Variants in PHKA1 observed in about 807,000 individuals in gnomAD.
The protein encoded by PHKA1 is phosphorylase kinase regulatory subunit alpha 1, also known as phosphorylase b kinase regulatory subunit alpha, skeletal muscle isoform.
PHKA1 carries 60 observed loss-of-function variants against 110.2 expected under a neutral mutation model. The ratio of observed to expected loss-of-function variants is 0.54; its 90% CI spans 0.44 to 0.68. The LOEUF is 0.68. PHKA1 is among the 30% of genes least tolerant of loss of function. The pLI is 0.00. For synonymous variants in PHKA1, 316 were observed against 333.6 expected (o/e 0.95, Z 0.58); for missense variants, 801 against 942.5 (o/e 0.85, Z 1.97).
chrX:72,579,359 C>T lies in PHKA1; in HGVS notation c.*1643G>A, dbSNP rs1482876776. On this transcript the variant is annotated 3_prime_UTR_variant, in exon 32 of 32. Coordinates refer to ENST00000373542, the MANE Select transcript of PHKA1 (RefSeq NM_002637.4). ...ATTCATAAGATTGTCACTGGTTCTGCAAGAATTGTTCAGAGAGTCTCTCAT... is the reference window on the plus strand; with the variant it reads ...ATTCATAAGATTGTCACTGGTTCTGTAAGAATTGTTCAGAGAGTCTCTCAT... The T allele has an allele frequency of 3.6e-5, 4 of 111,665 alleles. No homozygotes were observed. The highest frequency in any genetic ancestry group is 1.3e-4 in the African/African-American group (4 of 30,610). 9.2% of individuals were successfully genotyped at this position (111,665 alleles called of 1,213,427 possible). A position where few individuals can be genotyped will look rare whatever the true frequency, so the allele number is the denominator to read the frequency against.
At chrX:72,689,355 A>G (rs1368375186) in intron 4 of PHKA1, among the ~76,000 whole-genome samples, 1 of 111,640 alleles carries the variant, frequency 9.0e-6, no homozygotes, top group Non-Finnish European at 1.9e-5. Context: ...AGCCTAAGTA[A>G]TCACTAATCT....
At position 72,675,848 on chromosome X, in the gene PHKA1, TAAGTA is replaced by T. The variant is rs782002406; in HGVS notation, c.618+217_618+221del. 9.2e-4 allele frequency among the ~76,000 whole-genome samples: 102 copies of T among 110,959 alleles called. 1 individual carries two copies. The Middle Eastern group carries it at 0.014, about 15-fold the overall frequency. On this transcript the variant is annotated intron_variant, in intron 6 of 31. Transcript: ENST00000373542. Reference sequence around the variant, plus strand: ...TTTCAAGTCCTTATGGCATATAATATAAGTAGAGACATGCCACAAAAGCAGTTGGA... The same window carrying T: ...TTTCAAGTCCTTATGGCATATAATATGAGACATGCCACAAAAGCAGTTGGA...
chrX:72,579,241 G>A lies in PHKA1; in HGVS notation c.*1761C>T, dbSNP rs1776894215. ...AGCTACTTACTGTGTGTTTCCATTT[G>A]CTCTGAGAGAAGTGCTGAAAAGGTT... On this transcript the variant is annotated 3_prime_UTR_variant, in exon 32 of 32. Transcript: ENST00000373542. 8.9e-6 allele frequency: 1 copy of A among 112,117 alleles called. No individual in the cohort carries two copies. Among genetic ancestry groups the A allele is most frequent in the Non-Finnish European group, 1.9e-5 (1 of 53,227 alleles). The allele number at this position is 112,117 out of a possible 1,213,427, so 9.2% of individuals were successfully genotyped here.
In PHKA1 at chrX:72,667,406, T is replaced by C. The variant is rs782201270; in HGVS notation, c.686A>G (p.His229Arg). The C allele has an allele frequency of 4.6e-5, 55 of 1,207,899 alleles. No homozygotes were observed. Among genetic ancestry groups the C allele is most frequent in the Non-Finnish European group, 6.0e-5 (54 of 893,284 alleles). Reference sequence around the variant, plus strand: ...GTGCTGTACTTCATCAGCCAGGACATGGATAACTGATTGAGGCCCACCTTT... The same window carrying C: ...GTGCTGTACTTCATCAGCCAGGACACGGATAACTGATTGAGGCCCACCTTT... ...GVKGGPQSVIHVLADEVQHCQ... is the reference protein window; with the variant it reads ...GVKGGPQSVIRVLADEVQHCQ... Residue 229 changes from histidine (H) to arginine (R), a missense_variant, in exon 7 of 32, where the codon CAT becomes CGT. By Grantham distance (29) the His-to-Arg change is conservative. Coordinates refer to ENST00000373542, the MANE Select transcript of PHKA1 (RefSeq NM_002637.4).
At chrX:72,597,404 G>A (rs1556235691) in intron 28 of PHKA1, among the ~76,000 whole-genome samples, 1 of 111,719 alleles carries the variant, frequency 9.0e-6, no homozygotes, top group African/African-American at 3.3e-5. Context: ...GTCTTTATTA[G>A]GTTCCTTGGT....
intron 28 of PHKA1, among the ~76,000 whole-genome samples, chrX:72,601,208 T>C (rs1186822195): frequency 8.9e-6 from 1 of 112,222 alleles, no homozygotes; most frequent in Non-Finnish European, 1.9e-5. Flanking sequence ...TTTCTCCCTC[T>C]GTGTCCACAG....
chrX:72,670,113 G>A (rs2053668936), intron 6 of PHKA1, among the ~76,000 whole-genome samples: 1 of 111,777 alleles, frequency 8.9e-6, no homozygotes, highest in Admixed American at 9.5e-5. Context: ...GTTTTGATTT[G>A]CATTTCTCTG....
chrX:72,659,237 C>A (rs1425676138), intron 8 of PHKA1, among the ~76,000 whole-genome samples: 1 of 111,105 alleles, frequency 9.0e-6, no homozygotes, highest in African/African-American at 3.3e-5. Context: ...CTGCTTTGGC[C>A]ATTAGAAGCA....
chrX:72,661,463 G>A (rs1419188140), intron 8 of PHKA1, among the ~76,000 whole-genome samples: 1 of 110,740 alleles, frequency 9.0e-6, no homozygotes, highest in Non-Finnish European at 1.9e-5. Context: ...TTTGAAGTGT[G>A]TAGACCACCT....
intron 14 of PHKA1, among the ~76,000 whole-genome samples, chrX:72,639,258 G>T (rs971561710): frequency 8.9e-6 from 1 of 112,057 alleles, no homozygotes; most frequent in Non-Finnish European, 1.9e-5. Context: ...TCTGGGCTGG[G>T]TGCAGTGGTT....
intron 16 of PHKA1, among the ~76,000 whole-genome samples, chrX:72,627,916 C>A (rs2053106041): frequency 9.6e-6 from 1 of 104,053 alleles, no homozygotes; most frequent in Non-Finnish European, 1.9e-5. Flanking sequence ...CTCCCGGGTT[C>A]ACGCCATTCT....
intron 16 of PHKA1, among the ~76,000 whole-genome samples, chrX:72,630,046 G>A (rs782507023): frequency 7.2e-5 from 8 of 111,480 alleles, no homozygotes; most frequent in African/African-American, 1.3e-4. Flanking sequence ...GAAGGAGTTC[G>A]GGACCAGCCT....
intron 16 of PHKA1, among the ~76,000 whole-genome samples, chrX:72,629,491 C>T (rs1556285470): frequency 1.8e-5 from 2 of 111,428 alleles, no homozygotes; most frequent in Non-Finnish European, 3.8e-5. Flanking sequence ...TTTTTCTTTA[C>T]TCTGAGTTCT....
At chrX:72,584,845 G>A (rs1380063194) in intron 29 of PHKA1, among the ~76,000 whole-genome samples, 2 of 106,610 alleles carry the variant, frequency 1.9e-5, no homozygotes, top group Non-Finnish European at 3.9e-5. Flanking sequence ...TGGGTGTGCT[G>A]TACCCGTTAA....
chrX:72,581,313 G>T, intron 31 of PHKA1, 138 bp from the exon 32 acceptor site: 5 of 484,054 alleles, frequency 1.0e-5, no homozygotes, highest in Non-Finnish European at 1.9e-5. Flanking sequence ...TATCCAGGAA[G>T]AAATAGGTTT....
intron 21 of PHKA1, among the ~76,000 whole-genome samples, chrX:72,611,624 C>G (rs1943182227): frequency 9.0e-6 from 1 of 111,730 alleles, no homozygotes; most frequent in Admixed American, 9.5e-5. Context: ...TCTGGCAAAA[C>G]AAATACTGCT....
chrX:72,703,702 G>C (rs145371996), intron 3 of PHKA1, among the ~76,000 whole-genome samples: 68 of 111,504 alleles, frequency 6.1e-4, no homozygotes, highest in African/African-American at 1.9e-3. Flanking sequence ...AAAAACGAAA[G>C]TGCAAATATC....
At chrX:72,606,356 A>G (rs944365118) in intron 23 of PHKA1, among the ~76,000 whole-genome samples, 12 of 95,314 alleles carry the variant, frequency 1.3e-4, no homozygotes, top group African/African-American at 3.3e-4. Flanking sequence ...ACACACATGC[A>G]CACACACACA....
intron 5 of PHKA1, among the ~76,000 whole-genome samples, chrX:72,681,659 C>T (rs1395638321): frequency 3.7e-5 from 3 of 81,734 alleles, no homozygotes; most frequent in Non-Finnish European, 2.4e-5. Context: ...CCACCCCGTC[C>T]GGGAGGGAGA....
Sources: allele counts gnomAD v4.1 joint callset (sites outside exome capture counted in the v4.1 genomes callset), GRCh38; gene constraint gnomAD v4.1.1; transcripts MANE v1.5; gene names NCBI Gene and HGNC (gene_info 2026-07-23, HGNC 2026-07-21).